FBXL14: variants seen among roughly 807,000 people sequenced by gnomAD.
FBXL14 encodes the protein F-box/LRR-repeat protein 14.
Under a neutral mutation model 24.5 loss-of-function variants are expected in FBXL14, and 11 were observed. The ratio of observed to expected loss-of-function variants is 0.45; its 90% CI spans 0.28 to 0.74. FBXL14 has a LOEUF of 0.74. FBXL14 is among the 30% of genes least tolerant of loss of function. The probability of loss-of-function intolerance (pLI) is 0.12; values close to 1 mark genes in which losing one functional copy is unlikely to be tolerated. For missense variants in FBXL14, 384 were observed against 545.6 expected, an observed-to-expected ratio of 0.70 and a Z score of 2.95; for synonymous variants, 294 against 240.4, an observed-to-expected ratio of 1.22 and a Z score of -2.06.
Position 1,569,647 on chromosome 12 carries a change from G to A in FBXL14, c.1195-2837C>T, listed in dbSNP as rs922043378. Among the ~76,000 whole-genome samples, 4 of 152,202 alleles carry A rather than the reference G, an allele frequency of 2.6e-5. No individual in the cohort carries two copies. Among genetic ancestry groups the A allele is most frequent in the East Asian group, 3.8e-4 (2 of 5,200 alleles). ...GATCTCCTGAACTTGTGATCCGCCCGCCTCGGCCTCCCAGAGTGCTGGGAT... is the reference window on the plus strand; with the variant it reads ...GATCTCCTGAACTTGTGATCCGCCCACCTCGGCCTCCCAGAGTGCTGGGAT... On this transcript the variant is annotated intron_variant, in intron 1 of 1. Transcript: ENST00000339235. This position sits in a 1 kb window ranked among gnomAD's most constrained non-coding sequence, Gnocchi z 4.2.
At chr12:1,586,182 GTTTT>G (rs79133793) in intron 1 of FBXL14, among the ~76,000 whole-genome samples, 6 of 137,790 alleles carry the variant, frequency 4.4e-5, no homozygotes, top group African/African-American at 1.3e-4. Context: ...AGCATTTGGG[GTTTT>G]TTTTTTTTTT....
chr12:1,584,501 C>T (rs967178666), intron 1 of FBXL14, among the ~76,000 whole-genome samples: 3 of 152,284 alleles, frequency 2.0e-5, no homozygotes, highest in South Asian at 2.1e-4. Flanking sequence ...GGGGGTCATG[C>T]TGTTCTGATT....
chr12:1,594,584 A>G (rs1162369452), upstream of FBXL14, among the ~76,000 whole-genome samples: 1 of 145,038 alleles, frequency 6.9e-6, no homozygotes, highest in African/African-American at 2.5e-5. Context: ...CGCTTTTCAA[A>G]CCTCCCAGCC....
Position 1,594,175 on chromosome 12 carries a change from GCCGCCGCCT to G in FBXL14, c.-118_-110del. 1.1e-6 allele frequency: 1 copy of G among 925,150 alleles called. No individual in the cohort carries two copies. The highest frequency in any genetic ancestry group is 1.4e-6 in the Non-Finnish European group (1 of 725,868). The allele number at this position is 925,150 out of a possible 1,614,324, so 57.3% of individuals were successfully genotyped here. On this transcript the variant is annotated 5_prime_UTR_variant, in exon 1 of 2. Coordinates refer to ENST00000339235, the MANE Select transcript of FBXL14 (RefSeq NM_152441.3). Reference sequence around the variant, plus strand: ...CTCCCCAGCCGCCGCCGCCGCCGCCGCCGCCGCCTCGGGCCCAACGGCCGGCCCCTCCCC... The same window carrying G: ...CTCCCCAGCCGCCGCCGCCGCCGCCGCGGGCCCAACGGCCGGCCCCTCCCC...
At chr12:1,590,774 G>A (rs1203940347) in intron 1 of FBXL14, among the ~76,000 whole-genome samples, 2 of 152,166 alleles carry the variant, frequency 1.3e-5, no homozygotes, top group Admixed American at 6.5e-5. Context: ...GAAAAAGAGG[G>A]CTTGAGCTGC....
At chr12:1,584,440 T>C (rs1212813909) in intron 1 of FBXL14, among the ~76,000 whole-genome samples, 8 of 152,176 alleles carry the variant, frequency 5.3e-5, no homozygotes, top group Non-Finnish European at 1.2e-4. Flanking sequence ...TGTGATTCCA[T>C]TGAAAATTAG....
intron 1 of FBXL14, among the ~76,000 whole-genome samples, chr12:1,581,924 AG>A: frequency 6.6e-6 from 1 of 152,338 alleles, no homozygotes; most frequent in Middle Eastern, 3.4e-3. Context: ...CAGGAGTTCA[AG>A]ACCTGCCTGG....
At chr12:1,585,416 T>C (rs997139023) in intron 1 of FBXL14, among the ~76,000 whole-genome samples, 9 of 151,552 alleles carry the variant, frequency 5.9e-5, no homozygotes, top group Non-Finnish European at 1.2e-4. Flanking sequence ...AAAAAAAATG[T>C]AGCAGACGTG....
intron 1 of FBXL14, chr12:1,587,268 A>T (rs956891221): frequency 4.6e-5 from 7 of 151,154 alleles, no homozygotes; most frequent in African/African-American, 1.7e-4. Flanking sequence ...AAAAAAATTG[A>T]AGTAGAAGAG....
At chr12:1,586,515 A>C (rs1370770293) in intron 1 of FBXL14, among the ~76,000 whole-genome samples, 2 of 152,124 alleles carry the variant, frequency 1.3e-5, no homozygotes, top group Non-Finnish European at 2.9e-5. Flanking sequence ...GGTGCCACAC[A>C]TCTCTGAAGA....
intron 1 of FBXL14, among the ~76,000 whole-genome samples, chr12:1,582,152 G>GA (rs1320383436): frequency 7.0e-6 from 1 of 143,080 alleles, no homozygotes; most frequent in Admixed American, 7.0e-5. Context: ...AGGAAGGAAG[G>GA]AAGGAAAGGA....
chr12:1,576,252 A>C (rs1160822102), intron 1 of FBXL14, among the ~76,000 whole-genome samples: 1 of 152,164 alleles, frequency 6.6e-6, no homozygotes, highest in Non-Finnish European at 1.5e-5. Flanking sequence ...GACTAAACCG[A>C]CCAGAGCAGA....
chr12:1,584,495 G>T (rs2094472721), intron 1 of FBXL14, among the ~76,000 whole-genome samples: 1 of 152,166 alleles, frequency 6.6e-6, no homozygotes, highest in Non-Finnish European at 1.5e-5. Context: ...CTTCCTGGGG[G>T]TCATGCTGTT....
chr12:1,577,042 A>G (rs2094457296), intron 1 of FBXL14, among the ~76,000 whole-genome samples: 1 of 152,204 alleles, frequency 6.6e-6, no homozygotes, highest in Non-Finnish European at 1.5e-5. Flanking sequence ...AGCCAGCCAC[A>G]GGCTTTATCA....
rs1424243443 is a variant in FBXL14 at position 1,593,042 on chromosome 12, C to T, written c.1025G>A (p.Arg342His). ...LRTLNIGQCV[R>H]ITDKGLELIA... ...CAGCTCCAGGCCCTTGTCCGTGATG[C>T]GCACACACTGTCCAATGTTGAGCGT... Residue 342 changes from arginine to histidine, a missense_variant, in exon 1 of 2, where the codon CGC (arginine) becomes CAC (histidine). Coordinates refer to ENST00000339235, the MANE Select transcript of FBXL14 (RefSeq NM_152441.3). The surrounding 1 kb of genome is among the most constrained non-coding windows in gnomAD (Gnocchi z 7.4). 1.9e-6 allele frequency: 3 copies of T among 1,612,052 alleles called. No homozygotes were observed. The highest frequency in any genetic ancestry group is 2.2e-5 in the East Asian group (1 of 44,868).
chr12:1,587,066 C>G (rs752859991), intron 1 of FBXL14, among the ~76,000 whole-genome samples: 1 of 151,710 alleles, frequency 6.6e-6, no homozygotes, highest in African/African-American at 2.4e-5. Context: ...GGAGAAACCC[C>G]GTCTCTACCA....
In FBXL14 at chr12:1,594,154, C is replaced by CCCG; in HGVS notation, c.-89_-88insCGG. 6 of 791,566 alleles carry CCCG rather than the reference C, an allele frequency of 7.6e-6. No homozygotes were observed. Among genetic ancestry groups the CCCG allele is most frequent in the African/African-American group, 3.2e-5 (1 of 31,336 alleles). The allele number at this position is 791,566 out of a possible 1,614,324, so 49.0% of individuals were successfully genotyped here. On this transcript the variant is annotated 5_prime_UTR_variant, in exon 1 of 2. Coordinates refer to ENST00000339235, the MANE Select transcript of FBXL14 (RefSeq NM_152441.3). Reference sequence around the variant, plus strand: ...GGGCAGGCGACGAGAGCGCTTCTCCCCAGCCGCCGCCGCCGCCGCCGCCGC... The same window carrying CCCG: ...GGGCAGGCGACGAGAGCGCTTCTCCCCCGCAGCCGCCGCCGCCGCCGCCGCCGC...
In FBXL14 at chr12:1,593,999, C is replaced by A; in HGVS notation, c.68G>T (p.Arg23Leu). The change falls in exon 1 of 2, where the codon CGG becomes CTG. Residue 23 changes from arginine to leucine, a missense_variant. Transcript: ENST00000339235. This position sits in a 1 kb window ranked among gnomAD's most constrained non-coding sequence, Gnocchi z 7.4. The part of the protein sequence containing the change: ...LAMIFGYLDV[R>L]DKGRAAQVCT... ...CACCTGCGCCGCGCGCCCCTTGTCC[C>A]GGACGTCCAGGTAGCCGAAGATCAT... 6.3e-7 allele frequency: 1 copy of A among 1,582,432 alleles called. No homozygotes were observed. Among genetic ancestry groups the A allele is most frequent in the Non-Finnish European group, 8.5e-7 (1 of 1,172,344 alleles).
intron 1 of FBXL14, among the ~76,000 whole-genome samples, chr12:1,586,096 T>C (rs1372706456): frequency 2.0e-5 from 3 of 152,176 alleles, no homozygotes; most frequent in Non-Finnish European, 4.4e-5. Flanking sequence ...TTTGGTTTCC[T>C]GAATAACCCT....
Sources: allele counts gnomAD v4.1 joint callset (sites outside exome capture counted in the v4.1 genomes callset), GRCh38; gene constraint gnomAD v4.1.1; non-coding constraint Gnocchi (gnomAD v3.1); transcripts MANE v1.5; gene names NCBI Gene and HGNC (gene_info 2026-07-23, HGNC 2026-07-21).